The following ZNF513 variants were observed in gnomAD, a reference collection of about 807,000 sequenced individuals.
The protein encoded by ZNF513 is zinc finger protein 513.
Under a neutral mutation model 39.7 loss-of-function variants are expected in ZNF513, and 16 were observed. That is an observed-to-expected ratio of 0.40 (90% CI 0.27 to 0.61). ZNF513 has a LOEUF of 0.61. Among genes scored for constraint, ZNF513 ranks in the 20% least tolerant of loss-of-function variants. The pLI, the probability that ZNF513 is intolerant of heterozygous loss-of-function variation, is 0.39. For synonymous variants in ZNF513, 348 were observed against 296.5 expected, an observed-to-expected ratio of 1.17 and a Z score of -1.79; for missense variants, 699 against 743.6, an observed-to-expected ratio of 0.94 and a Z score of 0.70.
At chr2:27,379,271 A>G (rs1364597757) in intron 2 of ZNF513, among the ~76,000 whole-genome samples, 1 of 152,256 alleles carries the variant, frequency 6.6e-6, no homozygotes, top group Non-Finnish European at 1.5e-5. Flanking sequence ...TAGTGATGGT[A>G]GAATTGACCT....
rs1683486025 is a variant in ZNF513, at chr2:27,378,942, T to C, written c.324A>G (p.Pro108=). 2.5e-6 allele frequency: 4 copies of C among 1,610,960 alleles called. No homozygotes were observed. Among genetic ancestry groups the C allele is most frequent in the East Asian group, 2.2e-5 (1 of 44,810 alleles). The change falls in exon 3 of 4, where the codon CCA becomes CCG. Residue 108 remains proline (P), a synonymous_variant. Transcript: ENST00000323703. The surrounding 1 kb of genome is among the most constrained non-coding windows in gnomAD (Gnocchi z 8.0). ...ESEVEEPARG[P]GEARGERPGP... is the part of the protein sequence containing the mutation. ...CTGGCCTCTCACCCCTGGCCTCCCC[T>C]GGACCCCTGGCTGGCTCCTCAACTT... is the stretch of plus-strand genomic sequence containing the variant.
In ZNF513 at chr2:27,377,986, A is replaced by G. The variant is rs1572652242; in HGVS notation, c.1185T>C (p.Tyr395=). 5 of 1,613,442 alleles carry G rather than the reference A, an allele frequency of 3.1e-6. No individual in the cohort carries two copies. Among genetic ancestry groups the G allele is most frequent in the Non-Finnish European group, 4.2e-6 (5 of 1,179,410 alleles). Residue 395 remains tyrosine (Y), a synonymous_variant, in exon 4 of 4, where the codon TAT becomes TAC. Transcript: ENST00000323703. This position sits in a 1 kb window ranked among gnomAD's most constrained non-coding sequence, Gnocchi z 4.4. Reference sequence around the variant, plus strand: ...TCAGGTTATCCAGATGAGCAGAGGCATAAGGACAGCGGGCGCAGCGGAAGG... The same window carrying G: ...TCAGGTTATCCAGATGAGCAGAGGCGTAAGGACAGCGGGCGCAGCGGAAGG... ...EKPFRCARCP[Y]ASAHLDNLKR...
At chr2:27,380,358 C>T in intron 1 of ZNF513, 110 bp from the exon 2 acceptor site, 2 of 1,601,536 alleles carry the variant, frequency 1.2e-6, no homozygotes, top group Non-Finnish European at 1.7e-6. Flanking sequence ...CGGTGGGAAG[C>T]TAGGAGTCTG....
rs1321732301 is a variant in ZNF513 at position 27,378,429 on chromosome 2, C to G, written c.799+38G>C. 2 of 1,613,402 alleles carry G rather than the reference C, an allele frequency of 1.2e-6. No homozygotes were observed. Among genetic ancestry groups the G allele is most frequent in the East Asian group, 4.5e-5 (2 of 44,890 alleles). The stretch of plus-strand genomic sequence containing the variant: ...ATCCAAGCATTCCTAGGGTCAGCCA[C>G]CCATGTCCCAAGATCTTTGGTCCCT... On this transcript the variant is annotated intron_variant, in intron 3 of 3. Transcript: ENST00000323703. The surrounding 1 kb of genome is among the most constrained non-coding windows in gnomAD (Gnocchi z 8.0).
chr2:27,380,693 C>A lies in ZNF513; in HGVS notation c.-167G>T, dbSNP rs1023420388. On this transcript the variant is annotated 5_prime_UTR_variant, in exon 1 of 4. Transcript: ENST00000323703. The stretch of plus-strand genomic sequence containing the variant: ...CCCTGGCCCCGGCGCCCAGCTCAGG[C>A]CGCTCCCGCCGCCGCCGCCGCTTCC... 16 of 1,172,482 alleles carry A rather than the reference C, an allele frequency of 1.4e-5. No homozygotes were observed. The highest frequency in any genetic ancestry group is 1.7e-5 in the Non-Finnish European group (16 of 934,306). 72.6% of individuals were successfully genotyped at this position (1,172,482 alleles called of 1,614,324 possible).
At position 27,380,532 on chromosome 2, in the gene ZNF513, C is replaced by G. The variant is rs1350578297; in HGVS notation, c.-6G>C. The G allele has an allele frequency of 6.4e-7, 1 of 1,568,032 alleles. No homozygotes were observed. The highest frequency in any genetic ancestry group is 8.7e-7 in the Non-Finnish European group (1 of 1,147,402). On this transcript the variant is annotated 5_prime_UTR_variant, in exon 1 of 4. Coordinates refer to ENST00000323703, the MANE Select transcript of ZNF513 (RefSeq NM_144631.6). Reference sequence around the variant, plus strand: ...CTTTGCTTCCTTCGGGGCATCGTGACCGGCTCCAGCCCGACGCGCCTCCGG... The same window carrying G: ...CTTTGCTTCCTTCGGGGCATCGTGAGCGGCTCCAGCCCGACGCGCCTCCGG...
chr2:27,378,118 C>A lies in ZNF513; in HGVS notation c.1053G>T (p.Gly351=), dbSNP rs764698075. Residue 351 remains glycine, a synonymous_variant, in exon 4 of 4, where the codon GGG becomes GGT. Transcript: ENST00000323703. The surrounding 1 kb of genome is among the most constrained non-coding windows in gnomAD (Gnocchi z 8.0). The stretch of plus-strand genomic sequence containing the variant: ...AGCCTTTGTCACTGGGGCCCTGGGG[C>A]CCCCCACTGGCACCCCCTCCAGCCT... ...RGEAGGGASG[G]PQGPSDKGFA... 5.6e-6 allele frequency: 9 copies of A among 1,613,364 alleles called. No homozygotes were observed. Among genetic ancestry groups the A allele is most frequent in the East Asian group, 2.2e-5 (1 of 44,852 alleles).
rs777463403 is a variant in ZNF513, at chr2:27,377,845, T to C, written c.1326A>G (p.Lys442=). ...AGTTGCAAAGGCTACACCGAAAAGGTTTGTCACCAGAGTGGATGCGACCAT... is the reference window on the plus strand; with the variant it reads ...AGTTGCAAAGGCTACACCGAAAAGGCTTGTCACCAGAGTGGATGCGACCAT... ...KRHGRIHSGD[K]PFRCSLCNYS... Residue 442 remains lysine, a synonymous_variant, in exon 4 of 4, where the codon AAA becomes AAG. Coordinates refer to ENST00000323703, the MANE Select transcript of ZNF513 (RefSeq NM_144631.6). This position sits in a 1 kb window ranked among gnomAD's most constrained non-coding sequence, Gnocchi z 4.4. 2 of 1,613,992 alleles carry C rather than the reference T, an allele frequency of 1.2e-6. 1 individual carries two copies. Among genetic ancestry groups the C allele is most frequent in the Non-Finnish European group, 1.7e-6 (2 of 1,179,978 alleles).
In ZNF513 at chr2:27,378,181, C is replaced by T. The variant is rs940100877; in HGVS notation, c.990G>A (p.Arg330=). ...GQELEEGEGS[R]LGAAMCGRCM... ...AGCGCCCACACATGGCAGCTCCCAG[C>T]CGACTACCCTCACCCTCCTCCAGCT... The change falls in exon 4 of 4, where the codon CGG becomes CGA. Residue 330 remains arginine, a synonymous_variant. Transcript: ENST00000323703. The surrounding 1 kb of genome is among the most constrained non-coding windows in gnomAD (Gnocchi z 8.0). 1.2e-6 allele frequency: 2 copies of T among 1,611,618 alleles called. No homozygotes were observed. The highest frequency in any genetic ancestry group is 3.3e-5 in the Admixed American group (2 of 60,018).
Position 27,377,515 on chromosome 2 carries a change from T to G in ZNF513, c.*30A>C. On this transcript the variant is annotated 3_prime_UTR_variant, in exon 4 of 4. Transcript: ENST00000323703. This position sits in a 1 kb window ranked among gnomAD's most constrained non-coding sequence, Gnocchi z 4.4. ...AGAAAAAGGTGGCTTCTGGTCCGTC[T>G]GTATAAAACATGGGGAAGAAGGACC... 6.2e-7 allele frequency: 1 copy of G among 1,611,986 alleles called. No individual in the cohort carries two copies. Among genetic ancestry groups the G allele is most frequent in the Non-Finnish European group, 8.5e-7 (1 of 1,178,488 alleles).
Position 27,380,675 on chromosome 2 carries a change from C to T in ZNF513, c.-149G>A. 1.6e-6 allele frequency: 2 copies of T among 1,263,252 alleles called. No individual in the cohort carries two copies. Among genetic ancestry groups the T allele is most frequent in the Admixed American group, 4.2e-5 (1 of 23,556 alleles). The allele number at this position is 1,263,252 out of a possible 1,614,324, so 78.3% of individuals were successfully genotyped here. ...GCCCTGGGCAGCCCCCGGCCCTGGC[C>T]CCGGCGCCCAGCTCAGGCCGCTCCC... On this transcript the variant is annotated 5_prime_UTR_variant, in exon 1 of 4. Transcript: ENST00000323703.
chr2:27,379,975 GTAAAC>G, intron 2 of ZNF513, 113 bp downstream of exon 2: 1 of 1,374,634 alleles, frequency 7.3e-7, no homozygotes, highest in Non-Finnish European at 1.0e-6. Context: ...TAGCTCAAAT[GTAAAC>G]TAAACCAGCC....
chr2:27,380,534 G>C lies in ZNF513; in HGVS notation c.-8C>G, dbSNP rs142187881. On this transcript the variant is annotated 5_prime_UTR_variant, in exon 1 of 4. Transcript: ENST00000323703. ...TTGCTTCCTTCGGGGCATCGTGACC[G>C]GCTCCAGCCCGACGCGCCTCCGGCC... The C allele has an allele frequency of 5.9e-4, 927 of 1,566,118 alleles. 15 individuals are homozygous for C. The East Asian group carries it at 0.021, about 35-fold the overall frequency.
chr2:27,379,792 A>C (rs971736478), intron 2 of ZNF513, among the ~76,000 whole-genome samples: 16 of 152,202 alleles, frequency 1.1e-4, no homozygotes, highest in Non-Finnish European at 5.9e-5. Flanking sequence ...ACCTCTCTTA[A>C]AAGTAAATAC....
chr2:27,379,788 C>T (rs1683539405), intron 2 of ZNF513, among the ~76,000 whole-genome samples: 1 of 152,166 alleles, frequency 6.6e-6, no homozygotes, highest in Non-Finnish European at 1.5e-5. Flanking sequence ...CTGAACCTCT[C>T]TTAAAAGTAA....
intron 2 of ZNF513, among the ~76,000 whole-genome samples, chr2:27,379,672 A>G (rs1369272274): frequency 6.6e-6 from 1 of 152,244 alleles, no homozygotes; most frequent in East Asian, 1.9e-4. Flanking sequence ...AAGGATAAAG[A>G]CAGAAACTAA....
In ZNF513 at chr2:27,378,690, G is replaced by A. The variant is rs1199798193; in HGVS notation, c.576C>T (p.Asn192=). The change falls in exon 3 of 4, where the codon AAC becomes AAT. Residue 192 remains asparagine (N), a synonymous_variant. Transcript: ENST00000323703. The surrounding 1 kb of genome is among the most constrained non-coding windows in gnomAD (Gnocchi z 8.0). ...TGTGGGTGCGGGTATGTCGTGTCAG[G>A]TTGACGAGCTGGGCTGAGGCGTAGG... The part of the protein sequence containing the change: ...RCPYASAQLV[N]LTRHTRTHTG... 6.2e-7 allele frequency: 1 copy of A among 1,613,894 alleles called. No individual in the cohort carries two copies. The highest frequency in any genetic ancestry group is 1.7e-5 in the Admixed American group (1 of 60,030).
At position 27,377,598 on chromosome 2, in the gene ZNF513, G is replaced by C. The variant is rs1347181140; in HGVS notation, c.1573C>G (p.Pro525Ala). 2 of 1,614,118 alleles carry C rather than the reference G, an allele frequency of 1.2e-6. No homozygotes were observed. Among genetic ancestry groups the C allele is most frequent in the South Asian group, 2.2e-5 (2 of 91,084 alleles). ...SPPSVLSSRGPPALGTAGSRA... is the reference protein window; with the variant it reads ...SPPSVLSSRGAPALGTAGSRA... ...CTGCCAGCAGTCCCCAGGGCTGGTG[G>C]GCCCCGAGAGCTCAAAACAGAGGGT... Residue 525 changes from proline to alanine, a missense_variant, in exon 4 of 4, where the codon CCA becomes GCA. By Grantham distance (27) the Pro-to-Ala change is conservative (BLOSUM62 -1). This residue lies in a region of ZNF513 where 71 missense variants were observed against 64.1 expected (regional missense o/e 1.11). Transcript: ENST00000323703. This position sits in a 1 kb window ranked among gnomAD's most constrained non-coding sequence, Gnocchi z 4.4.
intron 2 of ZNF513, 56 bp from the exon 3 acceptor site, chr2:27,379,110 C>T: frequency 6.4e-7 from 1 of 1,559,428 alleles, no homozygotes; most frequent in Non-Finnish European, 8.8e-7. Flanking sequence ...AGGCTCCAAA[C>T]TCTCCCCTTT....
Sources: allele counts gnomAD v4.1 joint callset (sites outside exome capture counted in the v4.1 genomes callset), GRCh38; gene constraint gnomAD v4.1.1; regional missense constraint gnomAD v4.1.1; non-coding constraint Gnocchi (gnomAD v3.1); transcripts MANE v1.5; gene names NCBI Gene and HGNC (gene_info 2026-07-23, HGNC 2026-07-21).